Variants in FAM135B observed in about 807,000 individuals in gnomAD.
FAM135B encodes protein FAM135B.
Under a neutral mutation model 127.7 loss-of-function variants are expected in FAM135B, and 43 were observed. The ratio of observed to expected loss-of-function variants is 0.34; its 90% CI spans 0.26 to 0.43. The LOEUF (loss-of-function observed/expected upper bound fraction) is 0.43. Ranked by LOEUF, FAM135B falls within the 20% of genes least tolerant of loss-of-function variation. The pLI, the probability that FAM135B is intolerant of heterozygous loss-of-function variation, is 1.00. For synonymous variants in FAM135B, 670 were observed against 665.1 expected (o/e 1.01, Z -0.11); for missense variants, 1,558 against 1,725.6 (o/e 0.90, Z 1.72).
chr8:138,263,507 G>A (rs7823171), intron 4 of FAM135B, among the ~76,000 whole-genome samples: 152,208 of 152,356 alleles, frequency 1, 76,030 homozygotes, highest in Non-Finnish European at 1. Context: ...CCAAGTAGTC[G>A]AAAGCTAGCC....
chr8:138,271,254 T>C (rs1823352629), intron 3 of FAM135B, among the ~76,000 whole-genome samples: 1 of 152,188 alleles, frequency 6.6e-6, no homozygotes, highest in African/African-American at 2.4e-5. Flanking sequence ...TAAAGAGTTG[T>C]ATTTTGGTTG....
intron 9 of FAM135B, among the ~76,000 whole-genome samples, chr8:138,181,635 T>C (rs910795456): frequency 2.0e-5 from 3 of 152,184 alleles, no homozygotes; most frequent in Non-Finnish European, 4.4e-5. Flanking sequence ...TTCATCACTA[T>C]GGACTTGTCT....
chr8:138,211,359 C>A (rs940167207), intron 7 of FAM135B, among the ~76,000 whole-genome samples: 1 of 152,062 alleles, frequency 6.6e-6, no homozygotes, highest in Non-Finnish European at 1.5e-5. Flanking sequence ...ACAGATGCAC[C>A]GACAGAGGGG....
intron 1 of FAM135B, among the ~76,000 whole-genome samples, chr8:138,470,691 C>G (rs1445023926): frequency 6.6e-6 from 1 of 152,132 alleles, no homozygotes; most frequent in Non-Finnish European, 1.5e-5. Context: ...CAACTGGGTA[C>G]TAGAGACAAT....
chr8:138,310,248 G>A (rs1826577044), intron 3 of FAM135B, among the ~76,000 whole-genome samples: 1 of 152,060 alleles, frequency 6.6e-6, no homozygotes, highest in African/African-American at 2.4e-5. Context: ...AGCTCTACTA[G>A]TTAATATTAT....
intron 7 of FAM135B, among the ~76,000 whole-genome samples, chr8:138,204,439 G>T (rs1469850809): frequency 6.6e-6 from 1 of 152,022 alleles, no homozygotes; most frequent in East Asian, 1.9e-4. Context: ...TTATTTTTCA[G>T]GTTGTCTTTG....
chr8:138,182,030 G>A (rs575949328), intron 9 of FAM135B, among the ~76,000 whole-genome samples: 3 of 152,234 alleles, frequency 2.0e-5, no homozygotes, highest in East Asian at 1.9e-4. Flanking sequence ...CCAGGCCTCC[G>A]GAACTCAGAC....
At chr8:138,288,383 T>C (rs568743626) in intron 3 of FAM135B, among the ~76,000 whole-genome samples, 1 of 152,254 alleles carries the variant, frequency 6.6e-6, no homozygotes, top group East Asian at 1.9e-4. Context: ...AGATGTGGCC[T>C]TGGGGATATC....
chr8:138,344,509 C>T (rs1026805856), intron 2 of FAM135B, among the ~76,000 whole-genome samples: 4 of 151,882 alleles, frequency 2.6e-5, no homozygotes, highest in African/African-American at 7.2e-5. Flanking sequence ...TTAAATGTTA[C>T]GTCCTCAAAG....
intron 7 of FAM135B, among the ~76,000 whole-genome samples, chr8:138,205,000 T>A (rs1319146557): frequency 6.6e-6 from 1 of 152,238 alleles, no homozygotes; most frequent in Non-Finnish European, 1.5e-5. Flanking sequence ...TCATGATATG[T>A]CTGCTGTGTG....
rs551044507 is a variant in FAM135B at position 138,283,294 on chromosome 8, G to A, written c.158-17452C>T. Among the ~76,000 whole-genome samples, 66 of 152,148 alleles carry A rather than the reference G, an allele frequency of 4.3e-4. 1 individual carries two copies. In the Middle Eastern group the frequency reaches 0.01, roughly 24 times the overall value. On this transcript the variant is annotated intron_variant, in intron 3 of 19. Transcript: ENST00000395297. ...ATTCAGAACCAAAACGAAATGAGCC[G>A]TTGGGCCATAAAAAGATGGAAAAAA...
At chr8:138,464,398 TCCC>T (rs994546898) in intron 1 of FAM135B, among the ~76,000 whole-genome samples, 3 of 150,732 alleles carry the variant, frequency 2.0e-5, no homozygotes, top group African/African-American at 7.3e-5. Context: ...CTCAAAAACC[TCCC>T]CCCCAACACA....
intron 12 of FAM135B, among the ~76,000 whole-genome samples, chr8:138,166,874 G>A (rs114502595): frequency 0.014 from 2,107 of 152,140 alleles, 39 homozygotes; most frequent in Middle Eastern, 0.051. Context: ...AATCAATCAG[G>A]AATATGGTAG....
intron 18 of FAM135B, 26 bp from the exon 19 acceptor site, chr8:138,137,286 T>G (rs748914173): frequency 1.6e-6 from 2 of 1,262,320 alleles, no homozygotes; most frequent in East Asian, 4.6e-5. Context: ...AGATGAGTGC[T>G]TTTTACCCAG....
chr8:138,247,735 G>T (rs1181690477), intron 6 of FAM135B, among the ~76,000 whole-genome samples: 1 of 152,158 alleles, frequency 6.6e-6, no homozygotes, highest in Admixed American at 6.6e-5. Flanking sequence ...CAAAGCTGCT[G>T]GAGTCTTTAC....
intron 1 of FAM135B, among the ~76,000 whole-genome samples, chr8:138,433,585 T>C (rs76282716): frequency 1.8e-4 from 27 of 151,240 alleles, no homozygotes; most frequent in African/African-American, 6.1e-4. Context: ...TTTAAAAGAG[T>C]ATTAAATAAA....
At chr8:138,459,272 A>T (rs892906354) in intron 1 of FAM135B, 1 of 152,218 alleles carries the variant, frequency 6.6e-6, no homozygotes. Flanking sequence ...ACTTCTCCAG[A>T]ACCACTTTTC....
intron 2 of FAM135B, 47 bp downstream of exon 2, chr8:138,367,860 A>AC: frequency 8.1e-7 from 1 of 1,239,802 alleles, no homozygotes; most frequent in Admixed American, 1.9e-5. Context: ...AGAAACAAAC[A>AC]ACACACACAC....
chr8:138,149,498 C>T (rs1313670368), intron 13 of FAM135B, among the ~76,000 whole-genome samples: 1 of 152,116 alleles, frequency 6.6e-6, no homozygotes, highest in Admixed American at 6.5e-5. Flanking sequence ...GGCCTGTGTG[C>T]CTGAAATGCC....
Sources: gnomAD v4.1 joint callset for allele counts (sites outside exome capture counted in the v4.1 genomes callset) on GRCh38, gnomAD v4.1.1 for gene constraint, MANE v1.5 for transcripts, NCBI Gene and HGNC (gene_info 2026-07-23, HGNC 2026-07-21) for gene names.